GLT1D1: variants seen among roughly 807,000 people sequenced by gnomAD.
GLT1D1 encodes the protein glycosyltransferase 1 domain containing 1, also known as glycosyltransferase 1 domain-containing protein 1.
In GLT1D1, 21 loss-of-function variants were observed where a neutral mutation model predicts 28.7. The observed-to-expected ratio is 0.73, with a 90% CI of 0.52 to 1.05. GLT1D1 has a LOEUF of 1.05. Ranked by LOEUF, GLT1D1 falls within the 50% of genes least tolerant of loss-of-function variation. GLT1D1 has a pLI of 0.00. For missense variants in GLT1D1, 343 were observed against 330.6 expected (o/e 1.04, Z -0.29); for synonymous variants, 147 against 124.8 (o/e 1.18, Z -1.19).
At chr12:128,901,969 T>C (rs943905973) in intron 4 of GLT1D1, among the ~76,000 whole-genome samples, 1 of 151,724 alleles carries the variant, frequency 6.6e-6, no homozygotes, top group Non-Finnish European at 1.5e-5. Flanking sequence ...AGGTTGTCAG[T>C]TTCCCAATAT....
chr12:128,971,144 C>G (rs1010535901), intron 7 of GLT1D1, among the ~76,000 whole-genome samples: 1 of 152,212 alleles, frequency 6.6e-6, no homozygotes, highest in African/African-American at 2.4e-5. Context: ...CCATGCCTAG[C>G]AAGTAGTCTC....
At chr12:128,902,941 G>T (rs193267603) in intron 4 of GLT1D1, among the ~76,000 whole-genome samples, 2 of 151,188 alleles carry the variant, frequency 1.3e-5, no homozygotes, top group South Asian at 2.1e-4. Context: ...CTACTCAGGA[G>T]GCTGAGGCAA....
rs1327733744 is a variant in GLT1D1, at chr12:128,983,014, T to G, written c.725T>G (p.Met242Arg). 1 of 1,613,984 alleles carries G rather than the reference T, an allele frequency of 6.2e-7. No homozygotes were observed. The highest frequency in any genetic ancestry group is 1.7e-5 in the Admixed American group (1 of 60,024). The change falls in exon 8 of 8, where the codon ATG becomes AGG. Residue 242 changes from methionine (M) to arginine (R), a missense_variant. By Grantham distance (91) the Met-to-Arg change is moderately conservative (BLOSUM62 -1). Coordinates refer to ENST00000281703, the MANE Select transcript of GLT1D1 (RefSeq NM_144669.3). The surrounding 1 kb of genome is among the most constrained non-coding windows in gnomAD (Gnocchi z 4.7). ...GTGAACGGAAGGGAATACGTGAGAA[T>G]GTATCATTCATGGCAGGTGGAAAGA...
intron 5 of GLT1D1, among the ~76,000 whole-genome samples, chr12:128,947,001 T>G (rs1007131349): frequency 2.0e-5 from 3 of 152,150 alleles, no homozygotes; most frequent in Non-Finnish European, 4.4e-5. Flanking sequence ...AAGAATTATT[T>G]GAAAAAAAGT....
chr12:128,915,004 C>T lies in GLT1D1; in HGVS notation c.375+15717C>T, dbSNP rs1871961519. On this transcript the variant is annotated intron_variant, in intron 4 of 7. Transcript: ENST00000281703. ...TCAACGCTCTGGTGAGACATGAGAT[C>T]TTCTTAGAGGATTTTGATGAAGTGC... 2 of 1,529,662 alleles carry T rather than the reference C, an allele frequency of 1.3e-6. No homozygotes were observed. Among genetic ancestry groups the T allele is most frequent in the African/African-American group, 1.4e-5 (1 of 72,920 alleles). 94.8% of individuals were successfully genotyped at this position (1,529,662 alleles called of 1,614,324 possible).
chr12:128,874,071 T>C (rs1345582538), intron 1 of GLT1D1, among the ~76,000 whole-genome samples: 1 of 17,070 alleles, frequency 5.9e-5, no homozygotes, highest in Admixed American at 7.4e-4. Flanking sequence ...TTTCTTTCTT[T>C]CTTTCTTTCT....
At chr12:128,954,682 G>GCT (rs1303648811) in intron 6 of GLT1D1, among the ~76,000 whole-genome samples, 2 of 152,202 alleles carry the variant, frequency 1.3e-5, no homozygotes, top group African/African-American at 4.8e-5. Flanking sequence ...AAGCACGGTA[G>GCT]CTCACACCTG....
chr12:128,857,954 C>T (rs1025105025), intron 1 of GLT1D1, among the ~76,000 whole-genome samples: 2 of 152,174 alleles, frequency 1.3e-5, no homozygotes, highest in African/African-American at 2.4e-5. Flanking sequence ...AAAGCCTTCT[C>T]GTGCCTTCCA....
chr12:128,943,687 A>G (rs946101078), intron 4 of GLT1D1, among the ~76,000 whole-genome samples: 1 of 152,234 alleles, frequency 6.6e-6, no homozygotes, highest in Admixed American at 6.5e-5. Flanking sequence ...AGTAAACTGA[A>G]AGTATGCTTA....
At chr12:128,897,639 C>A (rs1006209877) in intron 3 of GLT1D1, among the ~76,000 whole-genome samples, 3 of 152,042 alleles carry the variant, frequency 2.0e-5, no homozygotes, top group Non-Finnish European at 4.4e-5. Context: ...TGTATTTAAC[C>A]ACTTCTCTAA....
At chr12:128,873,203 C>T (rs1956743713) in intron 1 of GLT1D1, among the ~76,000 whole-genome samples, 2 of 152,138 alleles carry the variant, frequency 1.3e-5, no homozygotes, top group African/African-American at 4.8e-5. Flanking sequence ...GCCTGACTCT[C>T]CTCTTTGGAC....
chr12:128,967,646 C>T (rs1408590615), intron 7 of GLT1D1, among the ~76,000 whole-genome samples: 1 of 152,220 alleles, frequency 6.6e-6, no homozygotes, highest in Non-Finnish European at 1.5e-5. Context: ...AGCAGGATTC[C>T]CACCCGGTGC....
chr12:128,891,105 CAA>C (rs63056260), intron 3 of GLT1D1, among the ~76,000 whole-genome samples: 1 of 115,752 alleles, frequency 8.6e-6, no homozygotes. Context: ...GACACTGTCT[CAA>C]AAAAAAAAAA....
intron 1 of GLT1D1, among the ~76,000 whole-genome samples, chr12:128,865,181 A>G (rs903363537): frequency 5.3e-5 from 8 of 152,148 alleles, no homozygotes; most frequent in Admixed American, 3.3e-4. Context: ...CCTCAGTGAC[A>G]TAACCTTCCC....
intron 4 of GLT1D1, among the ~76,000 whole-genome samples, chr12:128,938,589 C>T (rs1254757349): frequency 1.3e-5 from 2 of 152,094 alleles, no homozygotes; most frequent in East Asian, 3.9e-4. Context: ...TAGAAAGCAG[C>T]GTTATTTCAG....
chr12:128,926,974 T>C, intron 4 of GLT1D1, 131 bp from the exon 8 acceptor site: 2 of 586,342 alleles, frequency 3.4e-6, no homozygotes, highest in Non-Finnish European at 6.0e-6. Flanking sequence ...AATTGCCTAA[T>C]ATTATGAATG....
At chr12:128,867,562 G>A (rs1201460) in intron 1 of GLT1D1, among the ~76,000 whole-genome samples, 2 of 152,154 alleles carry the variant, frequency 1.3e-5, no homozygotes, top group Non-Finnish European at 2.9e-5. Flanking sequence ...AAATGCATGA[G>A]AGGTTCCGAC....
Position 128,982,994 on chromosome 12 carries a change from C to T in GLT1D1, c.705C>T (p.Asn235=), listed in dbSNP as rs748249350. Reference sequence around the variant, plus strand: ...CATTAGAAAAGGAAATCGTAGTGAACGGAAGGGAATACGTGAGAATGTATC... The same window carrying T: ...CATTAGAAAAGGAAATCGTAGTGAATGGAAGGGAATACGTGAGAATGTATC... Residue 235 remains asparagine, a synonymous_variant, in exon 8 of 8, where the codon AAC becomes AAT. Transcript: ENST00000281703. The T allele has an allele frequency of 3.8e-5, 62 of 1,613,458 alleles. No homozygotes were observed. The East Asian group carries it at 4.9e-4, about 13-fold the overall frequency.
At chr12:128,981,473 G>A (rs950021999) in intron 7 of GLT1D1, among the ~76,000 whole-genome samples, 1 of 149,608 alleles carries the variant, frequency 6.7e-6, no homozygotes, top group Admixed American at 6.7e-5. Context: ...ACCCTGAAAC[G>A]GGAATAAACA....
Sources: gnomAD v4.1 joint callset for allele counts (sites outside exome capture counted in the v4.1 genomes callset) on GRCh38, gnomAD v4.1.1 for gene constraint, Gnocchi (gnomAD v3.1) non-coding constraint, MANE v1.5 for transcripts, NCBI Gene and HGNC (gene_info 2026-07-23, HGNC 2026-07-21) for gene names.